PCYT1B: variants seen among roughly 807,000 people sequenced by gnomAD.
The protein encoded by PCYT1B is choline-phosphate cytidylyltransferase B.
A neutral mutation model predicts 26.4 loss-of-function variants in PCYT1B; 10 were observed. The ratio of observed to expected loss-of-function variants is 0.38; its 90% CI spans 0.23 to 0.64. The LOEUF (loss-of-function observed/expected upper bound fraction) is 0.64. Among genes scored for constraint, PCYT1B ranks in the 30% least tolerant of loss-of-function variants. PCYT1B has a pLI of 0.56. For synonymous variants in PCYT1B, 131 were observed against 108.4 expected (o/e 1.21, Z -1.29); for missense variants, 161 against 292.7 (o/e 0.55, Z 3.28).
chrX:24,573,725 T>C (rs1923929747), intron 7 of PCYT1B, among the ~76,000 whole-genome samples: 1 of 111,842 alleles, frequency 8.9e-6, no homozygotes, highest in Middle Eastern at 4.2e-3. Flanking sequence ...TTCTTCTTTA[T>C]GCATAGTGCC....
intron 1 of PCYT1B, among the ~76,000 whole-genome samples, chrX:24,636,974 T>C (rs1246816783): frequency 1.8e-5 from 2 of 111,462 alleles, no homozygotes; most frequent in Non-Finnish European, 3.8e-5. Context: ...ATTTGGGTAG[T>C]TTCCAGTTTG....
At chrX:24,667,101 C>A (rs1303580029) in intron 1 of PCYT1B, among the ~76,000 whole-genome samples, 1 of 110,089 alleles carries the variant, frequency 9.1e-6, no homozygotes, top group Non-Finnish European at 1.9e-5. Flanking sequence ...TTAGTGCACT[C>A]TAGAGAGCCA....
At chrX:24,665,435 C>T (rs1374570958) in intron 1 of PCYT1B, among the ~76,000 whole-genome samples, 4 of 110,317 alleles carry the variant, frequency 3.6e-5, no homozygotes, top group Non-Finnish European at 5.7e-5. Context: ...AGATTACAGG[C>T]GCGTGCCACC....
At position 24,560,918 on chromosome X, in the gene PCYT1B, C is replaced by A. The variant is rs1923389260; in HGVS notation, c.*1375G>T. 9.0e-6 allele frequency: 1 copy of A among 111,660 alleles called. No individual in the cohort carries two copies. Among genetic ancestry groups the A allele is most frequent in the Non-Finnish European group, 1.9e-5 (1 of 53,165 alleles). 9.2% of individuals were successfully genotyped at this position (111,660 alleles called of 1,213,427 possible). A position where few individuals can be genotyped will look rare whatever the true frequency, so the allele number is the denominator to read the frequency against. ...CGCACAGGTGACTAAGGAGCAGGAC[C>A]TTTGGACAACTCAGCAGGAACACTT... is the stretch of plus-strand genomic sequence containing the variant. On this transcript the variant is annotated 3_prime_UTR_variant, in exon 8 of 8. Transcript: ENST00000379144.
chrX:24,631,061 T>C lies in PCYT1B; in HGVS notation c.118-11977A>G, dbSNP rs755115695. 1.3e-4 allele frequency among the ~76,000 whole-genome samples: 15 copies of C among 111,381 alleles called. 1 individual carries two copies. The highest frequency in any genetic ancestry group is 4.6e-4 in the African/African-American group (14 of 30,717). On this transcript the variant is annotated intron_variant, in intron 1 of 7. Coordinates refer to ENST00000379144, the MANE Select transcript of PCYT1B (RefSeq NM_004845.5). ...CCTCAGCCTCCTGAGTAGCTGGGATTACAGGTGCCCGCCACCATGCCCGGC... is the reference window on the plus strand; with the variant it reads ...CCTCAGCCTCCTGAGTAGCTGGGATCACAGGTGCCCGCCACCATGCCCGGC...
At chrX:24,619,540 TCAAA>T (rs1925633331) in intron 1 of PCYT1B, among the ~76,000 whole-genome samples, 1 of 111,821 alleles carries the variant, frequency 8.9e-6, no homozygotes, top group Admixed American at 9.5e-5. Flanking sequence ...AGGGCAGTCT[TCAAA>T]CATTTAGACT....
At chrX:24,670,081 A>AAAG (rs1927213186) in intron 1 of PCYT1B, among the ~76,000 whole-genome samples, 1 of 87,532 alleles carries the variant, frequency 1.1e-5, no homozygotes, top group South Asian at 6.6e-4. Flanking sequence ...AGAAAGAAAG[A>AAAG]AAGAAAGAAA....
rs200705390 is a variant in PCYT1B, at chrX:24,629,638, A to AT, written c.118-10555dup. Among the ~76,000 whole-genome samples the AT allele has an allele frequency of 1.3e-3, 134 of 101,699 alleles. 2 individuals carry two copies. In the East Asian group the frequency reaches 0.037, roughly 28 times the overall value. The allele number at this position is 101,699 out of a possible 115,157, so 88.3% of individuals were successfully genotyped here. A position where few individuals can be genotyped will look rare whatever the true frequency, so the allele number is the denominator to read the frequency against. Reference sequence around the variant, plus strand: ...TTTAGAGTTCCCACATAATAAGTTCATTTTTTAAACCAGTAAACCAGTGCC... The same window carrying AT: ...TTTAGAGTTCCCACATAATAAGTTCATTTTTTTAAACCAGTAAACCAGTGCC... On this transcript the variant is annotated intron_variant, in intron 1 of 7. Coordinates refer to ENST00000379144, the MANE Select transcript of PCYT1B (RefSeq NM_004845.5).
chrX:24,631,646 C>T lies in PCYT1B; in HGVS notation c.118-12562G>A, dbSNP rs147261778. On this transcript the variant is annotated intron_variant, in intron 1 of 7. Coordinates refer to ENST00000379144, the MANE Select transcript of PCYT1B (RefSeq NM_004845.5). ...TCCTCCCACATCCCAAAGATGTACA[C>T]AGCAGGTTAATTAGTGTCTTTAAAT... Among the ~76,000 whole-genome samples the T allele has an allele frequency of 5.8e-3, 647 of 112,325 alleles. 5 individuals carry two copies. Among genetic ancestry groups the T allele is most frequent in the African/African-American group, 0.02 (614 of 30,958 alleles).
intron 2 of PCYT1B, among the ~76,000 whole-genome samples, chrX:24,613,419 TA>T (rs1925371495): frequency 8.9e-6 from 1 of 112,108 alleles, no homozygotes; most frequent in Non-Finnish European, 1.9e-5. Context: ...CTATTTTCTG[TA>T]AATGATAGTG....
chrX:24,622,559 A>G (rs748289511), intron 1 of PCYT1B, among the ~76,000 whole-genome samples: 12 of 112,333 alleles, frequency 1.1e-4, no homozygotes, highest in Non-Finnish European at 2.1e-4. Context: ...ACCCTACATA[A>G]AACTAAGGCC....
intron 3 of PCYT1B, among the ~76,000 whole-genome samples, chrX:24,596,940 C>A (rs1245191766): frequency 2.7e-5 from 3 of 110,787 alleles, no homozygotes; most frequent in African/African-American, 9.9e-5. Flanking sequence ...TAATCAAGAT[C>A]CAGCCTTTCA....
At chrX:24,612,673 T>C (rs1231918325) in intron 2 of PCYT1B, among the ~76,000 whole-genome samples, 1 of 112,311 alleles carries the variant, frequency 8.9e-6, no homozygotes, top group Non-Finnish European at 1.9e-5. Flanking sequence ...GCAACTGGAA[T>C]GCTCATAAAC....
At chrX:24,651,472 A>ATAT (rs1236511633), upstream of PCYT1B, among the ~76,000 whole-genome samples, 4 of 26,045 alleles carry the variant, frequency 1.5e-4, no homozygotes, top group East Asian at 1.2e-3. Context: ...AAAAAAAAAA[A>ATAT]ATATATATAT....
intron 1 of PCYT1B, among the ~76,000 whole-genome samples, chrX:24,665,321 C>T (rs1431915514): frequency 1.8e-5 from 2 of 110,371 alleles, no homozygotes; most frequent in Admixed American, 9.7e-5. Flanking sequence ...GACAGAGTCT[C>T]GCTCTGTCAC....
At chrX:24,598,484 T>TATAC (rs763948391) in intron 3 of PCYT1B, among the ~76,000 whole-genome samples, 5 of 101,013 alleles carry the variant, frequency 4.9e-5, no homozygotes, top group African/African-American at 1.8e-4. Context: ...GATATATATA[T>TATAC]ACACACACAC....
intron 6 of PCYT1B, among the ~76,000 whole-genome samples, chrX:24,578,838 G>C (rs1283153815): frequency 9.0e-6 from 1 of 111,616 alleles, no homozygotes; most frequent in Non-Finnish European, 1.9e-5. Context: ...GAGGAGGGAA[G>C]CAAGGAAGCA....
chrX:24,671,576 A>G (rs965411931), intron 1 of PCYT1B, among the ~76,000 whole-genome samples: 2 of 111,313 alleles, frequency 1.8e-5, no homozygotes, highest in Non-Finnish European at 3.8e-5. Flanking sequence ...TAAACCAGCC[A>G]CCCATATCCA....
At chrX:24,656,722 A>G (rs1377094164) in intron 1 of PCYT1B, among the ~76,000 whole-genome samples, 2 of 106,832 alleles carry the variant, frequency 1.9e-5, no homozygotes, top group African/African-American at 6.8e-5. Context: ...CACCCGGCTA[A>G]TTTTTGTATT....
Sources: allele counts gnomAD v4.1 joint callset (sites outside exome capture counted in the v4.1 genomes callset), GRCh38; gene constraint gnomAD v4.1.1; transcripts MANE v1.5; gene names NCBI Gene and HGNC (gene_info 2026-07-23, HGNC 2026-07-21).